Variants in PCF11 observed in about 807,000 individuals in gnomAD.
PCF11 encodes pre-mRNA cleavage complex 2 protein Pcf11.
A neutral mutation model predicts 166.1 loss-of-function variants in PCF11; 19 were observed. That is an observed-to-expected ratio of 0.11 (90% CI 0.08 to 0.17). The LOEUF (loss-of-function observed/expected upper bound fraction) is 0.17. Ranked by LOEUF, PCF11 falls within the 10% of genes least tolerant of loss-of-function variation. PCF11 has a pLI of 1.00. For synonymous variants in PCF11, 663 were observed against 644.1 expected (o/e 1.03, Z -0.44); for missense variants, 1,565 against 1,855.5 (o/e 0.84, Z 2.88).
chr11:83,184,230 T>A (rs1248377140), intron 15 of PCF11: 1 of 153,334 alleles, frequency 6.5e-6, no homozygotes, highest in East Asian at 1.9e-4. Context: ...AATAAATAGG[T>A]TTTTAGAGAT....
chr11:83,159,154 A>G (rs1453473752), intron 1 of PCF11, among the ~76,000 whole-genome samples: 1 of 152,144 alleles, frequency 6.6e-6, no homozygotes, highest in East Asian at 1.9e-4. Context: ...CAGCTAAGAT[A>G]CAAGTTTTCG....
intron 2 of PCF11, 75 bp downstream of exon 2, chr11:83,161,527 G>A: frequency 1.7e-6 from 2 of 1,206,800 alleles, no homozygotes; most frequent in Non-Finnish European, 2.3e-6. Flanking sequence ...TTTGCTTTGT[G>A]TTGGGTTTTC....
intron 9 of PCF11, among the ~76,000 whole-genome samples, chr11:83,174,598 C>G (rs1860811779): frequency 6.6e-6 from 1 of 151,896 alleles, no homozygotes; most frequent in South Asian, 2.1e-4. Context: ...TGCCAAACAC[C>G]TCAGTTCCTT....
exon 4 of PCF11, chr11:83,164,289 A>C: frequency 6.2e-7 from 1 of 1,613,712 alleles, no homozygotes; most frequent in Non-Finnish European, 8.5e-7. Flanking sequence ...ATACAAAAGA[A>C]TCTTACACAA....
intron 9 of PCF11, 21 bp from the exon 10 acceptor site, chr11:83,177,064 T>C: frequency 6.9e-7 from 1 of 1,444,218 alleles, no homozygotes; most frequent in South Asian, 1.5e-5. Context: ...GTTTTTTTTC[T>C]TTCTTTCTTT....
chr11:83,177,925 A>G (rs1166201444), intron 11 of PCF11, 106 bp downstream of exon 11: 1 of 415,520 alleles, frequency 2.4e-6, no homozygotes, highest in Non-Finnish European at 4.2e-6. Flanking sequence ...TATCCCTTTT[A>G]CTGTTTTAAC....
chr11:83,161,090 G>T (rs1590920060), intron 1 of PCF11, among the ~76,000 whole-genome samples: 1 of 152,146 alleles, frequency 6.6e-6, no homozygotes, highest in African/African-American at 2.4e-5. Context: ...AGTGTTAAAT[G>T]AGTATATTAG....
intron 13 of PCF11, 70 bp downstream of exon 13, chr11:83,182,079 A>G: frequency 8.4e-7 from 1 of 1,196,622 alleles, no homozygotes; most frequent in Non-Finnish European, 1.2e-6. Flanking sequence ...AATACTCATA[A>G]ACACATCACT....
At chr11:83,184,855 T>C (rs770591473) in exon 16 of PCF11, 2 of 1,574,628 alleles carry the variant, frequency 1.3e-6, no homozygotes, top group Admixed American at 4.3e-5. Flanking sequence ...CAACACCCTC[T>C]GAAATTAAAA....
intron 11 of PCF11, among the ~76,000 whole-genome samples, chr11:83,178,712 C>T (rs1406025352): frequency 7.3e-5 from 11 of 151,494 alleles, no homozygotes; most frequent in African/African-American, 2.7e-4. Context: ...ACTCGGGAGG[C>T]TGAGGCAGGA....
At chr11:83,182,332 T>C in intron 13 of PCF11, 67 bp from the exon 14 acceptor site, 2 of 826,316 alleles carry the variant, frequency 2.4e-6, no homozygotes, top group Non-Finnish European at 2.0e-6. Flanking sequence ...AGTGTTTGTA[T>C]ATTTTTACTT....
At chr11:83,184,257 T>C (rs1829396095) in intron 15 of PCF11, 2 of 155,528 alleles carry the variant, frequency 1.3e-5, no homozygotes, top group African/African-American at 4.8e-5. Context: ...TTGGAGGCAA[T>C]TTGGAAGGTT....
intron 1 of PCF11, among the ~76,000 whole-genome samples, chr11:83,159,671 G>A (rs535205342): frequency 1.2e-4 from 19 of 152,236 alleles, no homozygotes; most frequent in African/African-American, 4.6e-4. Flanking sequence ...TCACTTTGGG[G>A]GATCTATCTT....
intron 9 of PCF11, among the ~76,000 whole-genome samples, chr11:83,175,681 G>T (rs1349718522): frequency 6.6e-6 from 1 of 152,178 alleles, no homozygotes; most frequent in African/African-American, 2.4e-5. Context: ...GTGAACCCAG[G>T]AGGTGGAGCT....
intron 8 of PCF11, among the ~76,000 whole-genome samples, chr11:83,170,516 A>G (rs1860650424): frequency 2.0e-5 from 3 of 151,694 alleles, no homozygotes; most frequent in Admixed American, 2.0e-4. Flanking sequence ...GTTAAACACA[A>G]TTGTTTGATA....
chr11:83,178,760 C>T (rs992332577), intron 11 of PCF11, among the ~76,000 whole-genome samples: 1 of 151,494 alleles, frequency 6.6e-6, no homozygotes, highest in African/African-American at 2.4e-5. Flanking sequence ...TTGCAGTGAG[C>T]CGAGATAACG....
chr11:83,175,374 C>T (rs2135437647), intron 9 of PCF11, among the ~76,000 whole-genome samples: 1 of 152,096 alleles, frequency 6.6e-6, no homozygotes, highest in East Asian at 2.0e-4. Flanking sequence ...CTCAGGTGAT[C>T]CACCTGCATC....
exon 8 of PCF11, chr11:83,168,848 T>G: frequency 1.2e-6 from 2 of 1,612,602 alleles, no homozygotes; most frequent in South Asian, 2.2e-5. Flanking sequence ...GAGGGCCCAA[T>G]TGGTCAAGCA....
At chr11:83,169,394 T>C in exon 8 of PCF11, 1 of 1,613,742 alleles carries the variant, frequency 6.2e-7, no homozygotes, top group African/African-American at 1.3e-5. Context: ...GGCCTGAGAA[T>C]TGAAGGGCCT....
Sources: allele counts gnomAD v4.1 joint callset (sites outside exome capture counted in the v4.1 genomes callset), GRCh38; gene constraint gnomAD v4.1.1; transcripts MANE v1.5; gene names NCBI Gene and HGNC (gene_info 2026-07-23, HGNC 2026-07-21).